The following BLOC1S5 variants were observed in gnomAD, a reference collection of about 807,000 sequenced individuals.
The protein encoded by BLOC1S5 is biogenesis of lysosome-related organelles complex 1 subunit 5.
A neutral mutation model predicts 24.3 loss-of-function variants in BLOC1S5; 27 were observed. The observed-to-expected ratio is 1.11, with a 90% CI of 0.82 to 1.53. The LOEUF (loss-of-function observed/expected upper bound fraction) is 1.53. Among genes scored for constraint, BLOC1S5 ranks in the 40% most tolerant of loss-of-function variants. BLOC1S5 has a pLI of 0.00. For synonymous variants in BLOC1S5, 84 were observed against 74.5 expected, an observed-to-expected ratio of 1.13 and a Z score of -0.66; for missense variants, 239 against 229.4, an observed-to-expected ratio of 1.04 and a Z score of -0.27.
chr6:8,055,446 C>A (rs1581433698), intron 2 of BLOC1S5, among the ~76,000 whole-genome samples: 1 of 152,210 alleles, frequency 6.6e-6, no homozygotes, highest in Non-Finnish European at 1.5e-5. Flanking sequence ...AAAATATATA[C>A]AATAAAATAC....
rs561651645 is a variant in BLOC1S5, at chr6:8,032,890, G to A, written c.326-6465C>T. Among the ~76,000 whole-genome samples the A allele has an allele frequency of 4.2e-3, 641 of 152,130 alleles. 7 individuals are homozygous for A. The highest frequency in any genetic ancestry group is 6.1e-3 in the Non-Finnish European group (414 of 68,000). On this transcript the variant is annotated intron_variant, in intron 3 of 4. Coordinates refer to ENST00000397457, the MANE Select transcript of BLOC1S5 (RefSeq NM_201280.3). Reference sequence around the variant, plus strand: ...CTCCCATTCACAATTGCTACAAAGAGAATAAAATACCTAGGAATCCAACGT... The same window carrying A: ...CTCCCATTCACAATTGCTACAAAGAAAATAAAATACCTAGGAATCCAACGT...
chr6:8,054,855 C>T (rs1443657629), intron 2 of BLOC1S5, among the ~76,000 whole-genome samples: 1 of 152,090 alleles, frequency 6.6e-6, no homozygotes, highest in Non-Finnish European at 1.5e-5. Flanking sequence ...TATTACATCG[C>T]TTTGGTCTTT....
intron 2 of BLOC1S5, among the ~76,000 whole-genome samples, chr6:8,047,776 G>C (rs531629534): frequency 1.3e-5 from 2 of 152,032 alleles, no homozygotes; most frequent in Admixed American, 1.3e-4. Flanking sequence ...TCAAATTCAG[G>C]GTTCTGTTTT....
At chr6:8,050,162 C>T (rs761336212) in intron 2 of BLOC1S5, among the ~76,000 whole-genome samples, 1 of 152,196 alleles carries the variant, frequency 6.6e-6, no homozygotes, top group Non-Finnish European at 1.5e-5. Flanking sequence ...CACCTTGTGT[C>T]CCTTTGTCAC....
chr6:8,026,288 T>G (rs1763100511), intron 4 of BLOC1S5, 79 bp downstream of exon 4: 1 of 1,198,226 alleles, frequency 8.3e-7, no homozygotes, highest in Non-Finnish European at 1.2e-6. Context: ...CAGAGAATTT[T>G]CTGATCAAAA....
intron 3 of BLOC1S5, among the ~76,000 whole-genome samples, chr6:8,036,027 C>T (rs1052158510): frequency 6.6e-6 from 1 of 152,136 alleles, no homozygotes; most frequent in African/African-American, 2.4e-5. Context: ...AGATCATTAT[C>T]AGGTATATTT....
In BLOC1S5 at chr6:8,015,459, C is replaced by A; in HGVS notation, c.*190G>T. 1.8e-6 allele frequency: 1 copy of A among 554,350 alleles called. No individual in the cohort carries two copies. The highest frequency in any genetic ancestry group is 3.1e-6 in the Non-Finnish European group (1 of 324,320). The allele number at this position is 554,350 out of a possible 1,614,324, so 34.3% of individuals were successfully genotyped here. A position where few individuals can be genotyped will look rare whatever the true frequency, so the allele number is the denominator to read the frequency against. On this transcript the variant is annotated 3_prime_UTR_variant, in exon 5 of 5. Transcript: ENST00000397457. Reference sequence around the variant, plus strand: ...AATAATCATATATAGGCACTTAAAGCTGGAAAAATGTGGCACCCTTCTTTA... The same window carrying A: ...AATAATCATATATAGGCACTTAAAGATGGAAAAATGTGGCACCCTTCTTTA...
At chr6:8,044,881 G>C (rs1448807912) in intron 2 of BLOC1S5, among the ~76,000 whole-genome samples, 1 of 152,172 alleles carries the variant, frequency 6.6e-6, no homozygotes, top group African/African-American at 2.4e-5. Flanking sequence ...AAGGTAAGCG[G>C]AGCATAAAAG....
At chr6:8,063,995 G>A (rs1220390139) in intron 1 of BLOC1S5, among the ~76,000 whole-genome samples, 1 of 152,200 alleles carries the variant, frequency 6.6e-6, no homozygotes, top group Non-Finnish European at 1.5e-5. Context: ...TGCGCCCAGG[G>A]GTCCTGAGCT....
intron 2 of BLOC1S5, among the ~76,000 whole-genome samples, chr6:8,043,526 T>TA (rs1397807777): frequency 6.6e-6 from 1 of 151,860 alleles, no homozygotes; most frequent in Non-Finnish European, 1.5e-5. Flanking sequence ...GCAAAGGTCA[T>TA]AAAAAATAAG....
chr6:8,024,015 A>C (rs1052269089), intron 4 of BLOC1S5, among the ~76,000 whole-genome samples: 2 of 152,208 alleles, frequency 1.3e-5, no homozygotes, highest in African/African-American at 4.8e-5. Context: ...TTGAGCAGAG[A>C]AGTGGATCTG....
intron 2 of BLOC1S5, among the ~76,000 whole-genome samples, chr6:8,043,460 T>C (rs1214469248): frequency 6.6e-6 from 1 of 151,932 alleles, no homozygotes; most frequent in African/African-American, 2.4e-5. Flanking sequence ...AGTCTAGTCA[T>C]GAGAAAAACA....
chr6:8,054,339 A>C lies in BLOC1S5; in HGVS notation c.195+8195T>G, dbSNP rs1454649718. 6 of 418,980 alleles carry C rather than the reference A, an allele frequency of 1.4e-5. No homozygotes were observed. The Admixed American group carries it at 1.8e-4, about 12-fold the overall frequency. The allele number at this position is 418,980 out of a possible 1,614,324, so 26.0% of individuals were successfully genotyped here. On this transcript the variant is annotated intron_variant, in intron 2 of 4. Transcript: ENST00000397457. ...AGAACACACAGCCACTGGATATTAC[A>C]CTGTCTGCCTTTAACTATGGTTTAG...
intron 2 of BLOC1S5, among the ~76,000 whole-genome samples, chr6:8,051,275 G>A (rs1764097984): frequency 6.6e-6 from 1 of 152,048 alleles, no homozygotes; most frequent in African/African-American, 2.4e-5. Context: ...TGAGTGGTCT[G>A]GACAGAAGAT....
intron 4 of BLOC1S5, among the ~76,000 whole-genome samples, chr6:8,025,017 C>A (rs897790080): frequency 6.6e-6 from 1 of 152,302 alleles, no homozygotes. Flanking sequence ...AGAAATACTT[C>A]AAAGTGACAA....
chr6:8,020,769 C>T (rs997222037), intron 4 of BLOC1S5, among the ~76,000 whole-genome samples: 1 of 151,950 alleles, frequency 6.6e-6, no homozygotes, highest in Non-Finnish European at 1.5e-5. Flanking sequence ...GGAAACTGCC[C>T]TTTAAAAATA....
At chr6:8,021,496 G>A (rs1762914682) in intron 4 of BLOC1S5, among the ~76,000 whole-genome samples, 2 of 152,166 alleles carry the variant, frequency 1.3e-5, no homozygotes, top group Admixed American at 1.3e-4. Flanking sequence ...CTACTCGGTA[G>A]GCTGAGGTGG....
Position 8,015,690 on chromosome 6 carries a change from CA to C in BLOC1S5, c.522del (p.Tyr174Ter), listed in dbSNP as rs1329202442. On this transcript the variant is annotated frameshift_variant, in exon 5 of 5. Transcript: ENST00000397457. LOFTEE classifies it high-confidence loss of function. ...RKAMERLKEQ[Y>X]AEMEKDLAKF... Reference sequence around the variant, plus strand: ...TTCGCTAGGTCCTTCTCCATCTCAGCATATTGTTCTTTAAGCCTTTCCATGG... The same window carrying C: ...TTCGCTAGGTCCTTCTCCATCTCAGCTATTGTTCTTTAAGCCTTTCCATGG... 2 of 1,613,910 alleles carry C rather than the reference CA, an allele frequency of 1.2e-6. No individual in the cohort carries two copies. The highest frequency in any genetic ancestry group is 1.7e-6 in the Non-Finnish European group (2 of 1,179,960).
At position 8,024,731 on chromosome 6, in the gene BLOC1S5, G is replaced by A. The variant is rs139755360; in HGVS notation, c.384+1636C>T. Reference sequence around the variant, plus strand: ...CGCTCGCATCTTAAACAAACAGTGAGCTGGCAGGAAAAAAATGCTGCCCTA... The same window carrying A: ...CGCTCGCATCTTAAACAAACAGTGAACTGGCAGGAAAAAAATGCTGCCCTA... On this transcript the variant is annotated intron_variant, in intron 4 of 4. Transcript: ENST00000397457. 1.7e-3 allele frequency among the ~76,000 whole-genome samples: 262 copies of A among 151,822 alleles called. 1 individual carries two copies. The highest frequency in any genetic ancestry group is 6.1e-3 in the African/African-American group (252 of 41,428).
Sources: gnomAD v4.1 joint callset for allele counts (sites outside exome capture counted in the v4.1 genomes callset) on GRCh38, gnomAD v4.1.1 for gene constraint, MANE v1.5 for transcripts, NCBI Gene and HGNC (gene_info 2026-07-23, HGNC 2026-07-21) for gene names.